The following PDHX variants were observed in gnomAD, a reference collection of about 807,000 sequenced individuals.
PDHX encodes pyruvate dehydrogenase complex component X.
A neutral mutation model predicts 55.3 loss-of-function variants in PDHX; 33 were observed. That is an observed-to-expected ratio of 0.60 (90% confidence interval 0.45 to 0.80). The LOEUF (loss-of-function observed/expected upper bound fraction) is 0.80. PDHX is among the 30% of genes least tolerant of loss of function. The pLI is 0.00. For missense variants in PDHX, 622 were observed against 619.9 expected (o/e 1.00, Z -0.04); for synonymous variants, 226 against 219.4 (o/e 1.03, Z -0.27).
At chr11:34,916,240 T>A, upstream of PDHX, 1 of 1,612,152 alleles carries the variant, frequency 6.2e-7, no homozygotes, top group South Asian at 1.1e-5. Flanking sequence ...GCGCGCCGCA[T>A]CTCCGGGAAC....
At chr11:34,930,408 A>C (rs1487433026) in intron 1 of PDHX, among the ~76,000 whole-genome samples, 1 of 152,256 alleles carries the variant, frequency 6.6e-6, no homozygotes, top group Non-Finnish European at 1.5e-5. Context: ...ATTTAACATT[A>C]GTGCTCAATT....
intron 2 of PDHX, among the ~76,000 whole-genome samples, chr11:34,934,972 A>T (rs543466536): frequency 6.6e-5 from 10 of 152,118 alleles, no homozygotes; most frequent in African/African-American, 2.4e-4. Context: ...GTGAGATGAA[A>T]TACTTACGAA....
intron 3 of PDHX, among the ~76,000 whole-genome samples, chr11:34,950,211 A>C (rs567809597): frequency 6.6e-6 from 1 of 152,190 alleles, no homozygotes; most frequent in East Asian, 1.9e-4. Context: ...TATGGTTGAA[A>C]TTTGAAGTTG....
At position 34,960,449 on chromosome 11, in the gene PDHX, T is replaced by G. The variant is rs1854999792; in HGVS notation, c.572T>G (p.Ile191Ser). The G allele has an allele frequency of 6.8e-6, 11 of 1,613,394 alleles. 1 individual carries two copies. The highest frequency in any genetic ancestry group is 8.5e-6 in the Non-Finnish European group (10 of 1,179,582). The change falls in exon 5 of 11, where the codon ATT becomes AGT. Residue 191 changes from isoleucine (I) to serine (S), a missense_variant. Transcript: ENST00000227868. ...CGTTTAAGTCCAGCTGCCCGCAATA[T>G]TCTGGAAAAACACTCACTGGATGCT... ...RFRLSPAARN[I>S]LEKHSLDASQ...
chr11:34,916,555 G>T (rs1345986490), upstream of PDHX: 2 of 1,522,422 alleles, frequency 1.3e-6, no homozygotes, highest in East Asian at 2.4e-5. Flanking sequence ...AGACCTAAAG[G>T]CACCGCTAGC....
chr11:34,980,527 A>G (rs752106334), intron 8 of PDHX, among the ~76,000 whole-genome samples: 63 of 151,694 alleles, frequency 4.2e-4, no homozygotes, highest in Non-Finnish European at 7.8e-4. Context: ...TTTGCCATAT[A>G]TTCTTCATTC....
chr11:34,941,023 G>T (rs902418811), intron 2 of PDHX, among the ~76,000 whole-genome samples: 1 of 152,182 alleles, frequency 6.6e-6, no homozygotes, highest in Non-Finnish European at 1.5e-5. Context: ...AGAAGTTTCT[G>T]TGGTGATGGA....
intron 6 of PDHX, 45 bp from the exon 7 acceptor site, chr11:34,970,094 C>G (rs751656408): frequency 1.3e-6 from 2 of 1,572,770 alleles, no homozygotes; most frequent in Non-Finnish European, 1.7e-6. Flanking sequence ...TTTTATTTTT[C>G]TATTCCACTT....
chr11:34,994,869 T>G, intron 10 of PDHX, 45 bp from the exon 11 acceptor site: 1 of 1,611,534 alleles, frequency 6.2e-7, no homozygotes, highest in Non-Finnish European at 8.5e-7. Context: ...AAGGGGACTT[T>G]GATTAAGGAC....
At chr11:34,994,830 T>G in intron 10 of PDHX, 84 bp from the exon 11 acceptor site, 1 of 1,496,678 alleles carries the variant, frequency 6.7e-7, no homozygotes, top group Non-Finnish European at 9.3e-7. Context: ...CACTGCCTAG[T>G]AAAATATATA....
chr11:34,916,663 C>T lies in PDHX; in HGVS notation c.8C>T (p.Ala3Val), dbSNP rs1408519690. 2 of 1,609,502 alleles carry T rather than the reference C, an allele frequency of 1.2e-6. No individual in the cohort carries two copies. The highest frequency in any genetic ancestry group is 1.7e-6 in the Non-Finnish European group (2 of 1,179,970). MA[A>V]SWRLGCDPRL... ...AGTGAGAAGGCCGTCAAGATGGCGG[C>T]CTCCTGGAGGCTGGGCTGTGATCCG... Residue 3 changes from alanine to valine, a missense_variant, in exon 1 of 11, where the codon GCC becomes GTC. Physicochemically the swap from Ala to Val is moderately conservative, Grantham distance 64. Transcript: ENST00000227868.
At chr11:34,924,376 C>T (rs575736447) in intron 1 of PDHX, among the ~76,000 whole-genome samples, 9 of 152,248 alleles carry the variant, frequency 5.9e-5, no homozygotes, top group African/African-American at 2.2e-4. Flanking sequence ...AGGCATGTGC[C>T]ACCAAGCCTA....
Position 34,959,850 on chromosome 11 carries a change from C to CA in PDHX, c.543-567dup, listed in dbSNP as rs1461290676. On this transcript the variant is annotated intron_variant, in intron 4 of 10. Transcript: ENST00000227868. ...ACTTATGTGAGTTACCTAGAGTAGT[C>CA]AAATTGACAGAGACAAAGAGAATGG... 2.0e-5 allele frequency among the ~76,000 whole-genome samples: 3 copies of CA among 152,006 alleles called. No individual in the cohort carries two copies. In the East Asian group the frequency reaches 5.8e-4, roughly 29 times the overall value.
intron 1 of PDHX, among the ~76,000 whole-genome samples, chr11:34,928,997 A>T (rs1854090617): frequency 6.6e-6 from 1 of 152,238 alleles, no homozygotes; most frequent in South Asian, 2.1e-4. Flanking sequence ...TTAGCATTTC[A>T]ACTAGAGGTA....
At chr11:34,916,234 G>T (rs146420175), upstream of PDHX, 2 of 1,611,756 alleles carry the variant, frequency 1.2e-6, no homozygotes, top group Non-Finnish European at 1.7e-6. Context: ...CTACCTGCGC[G>T]CCGCATCTCC....
chr11:34,935,777 A>G (rs1484723306), intron 2 of PDHX, among the ~76,000 whole-genome samples: 1 of 152,240 alleles, frequency 6.6e-6, no homozygotes, highest in Non-Finnish European at 1.5e-5. Context: ...AAAAAGGGAA[A>G]GAAAGAAGGG....
chr11:34,971,167 A>G (rs1855250146), intron 7 of PDHX, among the ~76,000 whole-genome samples: 1 of 152,128 alleles, frequency 6.6e-6, no homozygotes, highest in South Asian at 2.1e-4. Flanking sequence ...TTCAGAATGC[A>G]TTTACAGATT....
At chr11:34,951,446 GTGA>G (rs1409896596) in intron 3 of PDHX, among the ~76,000 whole-genome samples, 3 of 152,116 alleles carry the variant, frequency 2.0e-5, no homozygotes, top group Non-Finnish European at 2.9e-5. Context: ...CTGATGGCCA[GTGA>G]TGATGAGCAT....
intron 5 of PDHX, among the ~76,000 whole-genome samples, chr11:34,963,277 AT>A (rs1235039363): frequency 6.6e-6 from 1 of 151,330 alleles, no homozygotes; most frequent in African/African-American, 2.4e-5. Context: ...AACGTTTTGA[AT>A]TTTTTTTTCT....
Sources: gnomAD v4.1 joint callset for allele counts (sites outside exome capture counted in the v4.1 genomes callset) on GRCh38, gnomAD v4.1.1 for gene constraint, MANE v1.5 for transcripts, NCBI Gene and HGNC (gene_info 2026-07-23, HGNC 2026-07-21) for gene names.